The following TRAPPC9 variants were observed in gnomAD, a reference collection of about 807,000 sequenced individuals.
TRAPPC9 encodes trafficking protein particle complex subunit 9, also known as IKK2 binding protein.
In TRAPPC9, 83 loss-of-function variants were observed where a neutral mutation model predicts 124.0. The observed-to-expected ratio is 0.67, with a 90% confidence interval of 0.56 to 0.80. The LOEUF (loss-of-function observed/expected upper bound fraction) is 0.80. Among genes scored for constraint, TRAPPC9 ranks in the 30% least tolerant of loss-of-function variants. The pLI, the probability that TRAPPC9 is intolerant of heterozygous loss-of-function variation, is 0.00. For synonymous variants in TRAPPC9, 638 were observed against 617.5 expected, an observed-to-expected ratio of 1.03 and a Z score of -0.49; for missense variants, 1,302 against 1,508.3, an observed-to-expected ratio of 0.86 and a Z score of 2.27.
intron 16 of TRAPPC9, among the ~76,000 whole-genome samples, chr8:140,240,384 G>C (rs1031624338): frequency 2.0e-5 from 3 of 152,114 alleles, no homozygotes; most frequent in African/African-American, 7.2e-5. Context: ...GGAGGACTGG[G>C]GAGAATTCTG....
At chr8:139,964,028 G>T (rs2131576464) in intron 19 of TRAPPC9, among the ~76,000 whole-genome samples, 1 of 152,092 alleles carries the variant, frequency 6.6e-6, no homozygotes, top group South Asian at 2.1e-4. Flanking sequence ...ATCAAGACCA[G>T]CCTGGCTAAC....
At chr8:139,819,479 A>G (rs1825101848) in intron 21 of TRAPPC9, among the ~76,000 whole-genome samples, 1 of 152,204 alleles carries the variant, frequency 6.6e-6, no homozygotes, top group African/African-American at 2.4e-5. Context: ...GTTGGGGACC[A>G]CCTGCTCTAG....
intron 16 of TRAPPC9, among the ~76,000 whole-genome samples, chr8:140,234,394 A>G (rs2131391665): frequency 1.3e-5 from 2 of 152,356 alleles, no homozygotes; most frequent in South Asian, 4.1e-4. Flanking sequence ...CATGGTGGAC[A>G]GTACTGCACA....
Position 139,861,641 on chromosome 8 carries a change from T to C in TRAPPC9, c.3055+24238A>G, listed in dbSNP as rs911230162. Among the ~76,000 whole-genome samples the C allele has an allele frequency of 5.3e-5, 8 of 152,354 alleles. No homozygotes were observed. In the East Asian group the frequency reaches 1.3e-3, roughly 26 times the overall value. On this transcript the variant is annotated intron_variant, in intron 21 of 22. Coordinates refer to ENST00000438773, the MANE Select transcript of TRAPPC9 (RefSeq NM_001160372.4). ...TGAAAAGAAACTTGGGGTTCACTTA[T>C]ATTTAACATGCTCTGCACTTTTCCT...
Position 139,907,812 on chromosome 8 carries a change from G to T in TRAPPC9, c.2964+2335C>A, listed in dbSNP as rs1230900139. On this transcript the variant is annotated intron_variant, in intron 20 of 22. Transcript: ENST00000438773. This position sits in a 1 kb window ranked among gnomAD's most constrained non-coding sequence, Gnocchi z 4.7. ...TTTTTGATACTGGTTTTCAAAGAAC[G>T]CAAGAGTTCTGTGGGCCACTATCAT... Among the ~76,000 whole-genome samples the T allele has an allele frequency of 6.6e-6, 1 of 152,192 alleles. No individual in the cohort carries two copies. Among genetic ancestry groups the T allele is most frequent in the South Asian group, 2.1e-4 (1 of 4,828 alleles).
chr8:140,279,133 T>C (rs959849065), intron 14 of TRAPPC9, among the ~76,000 whole-genome samples: 1 of 152,254 alleles, frequency 6.6e-6, no homozygotes, highest in African/African-American at 2.4e-5. Context: ...CCACATCTTC[T>C]GTGAAGCCTT....
intron 17 of TRAPPC9, among the ~76,000 whole-genome samples, chr8:140,156,161 TC>T (rs2061625485): frequency 1.3e-5 from 2 of 152,258 alleles, no homozygotes; most frequent in South Asian, 4.2e-4. Flanking sequence ...CAGGCTACCA[TC>T]CGCATGCTCA....
chr8:140,438,587 T>C (rs2070899309), intron 3 of TRAPPC9, among the ~76,000 whole-genome samples: 1 of 152,202 alleles, frequency 6.6e-6, no homozygotes, highest in African/African-American at 2.4e-5. Flanking sequence ...CAGGGAAGCA[T>C]CCCAGGCCAC....
At chr8:139,999,953 A>G (rs1838282144) in intron 18 of TRAPPC9, among the ~76,000 whole-genome samples, 1 of 152,210 alleles carries the variant, frequency 6.6e-6, no homozygotes, top group Non-Finnish European at 1.5e-5. Flanking sequence ...GTGATTATAT[A>G]AGAAAGAACG....
At chr8:140,040,702 T>A (rs1388799979) in intron 17 of TRAPPC9, 4 of 152,346 alleles carry the variant, frequency 2.6e-5, no homozygotes, top group Admixed American at 2.6e-4. Context: ...AAGCTTTCTA[T>A]GTCACCATCC....
chr8:140,196,938 A>T (rs1233988078), intron 17 of TRAPPC9, among the ~76,000 whole-genome samples: 1 of 152,142 alleles, frequency 6.6e-6, no homozygotes, highest in Non-Finnish European at 1.5e-5. Context: ...AAACACACAC[A>T]ACGATCCACG....
At chr8:139,987,545 CAGAGAGAGAGAGAG>C (rs34718647) in intron 19 of TRAPPC9, among the ~76,000 whole-genome samples, 1 of 150,328 alleles carries the variant, frequency 6.7e-6, no homozygotes, top group Admixed American at 6.6e-5. Flanking sequence ...ATGAAAGAGG[CAGAGAGAGAGAGAG>C]AGAGAGAGAA....
At chr8:140,326,836 G>A (rs566018176) in intron 9 of TRAPPC9, among the ~76,000 whole-genome samples, 2 of 152,280 alleles carry the variant, frequency 1.3e-5, no homozygotes, top group South Asian at 4.1e-4. Flanking sequence ...AGTCCTGATT[G>A]TGCCACTGAA....
intron 17 of TRAPPC9, among the ~76,000 whole-genome samples, chr8:140,139,408 C>T (rs1343496989): frequency 3.9e-5 from 6 of 152,144 alleles, no homozygotes; most frequent in African/African-American, 9.7e-5. Context: ...ACAGAATTTC[C>T]GATCCAGCAT....
intron 5 of TRAPPC9, among the ~76,000 whole-genome samples, chr8:140,419,069 G>A (rs1336100402): frequency 6.6e-6 from 1 of 152,008 alleles, no homozygotes; most frequent in Non-Finnish European, 1.5e-5. Flanking sequence ...GGAGGCGGGT[G>A]GATCACAAGG....
At chr8:140,099,361 A>C (rs138567992) in intron 17 of TRAPPC9, 3 of 142,164 alleles carry the variant, frequency 2.1e-5, no homozygotes. Context: ...CGCCCTCCAG[A>C]GTTCTCCGCA....
intron 17 of TRAPPC9, among the ~76,000 whole-genome samples, chr8:140,032,509 T>C (rs918776625): frequency 5.9e-5 from 9 of 152,146 alleles, no homozygotes; most frequent in African/African-American, 1.9e-4. Context: ...TTTCACTTAA[T>C]AGATCCTGAA....
At chr8:140,356,709 A>C (rs1284248204) in intron 9 of TRAPPC9, among the ~76,000 whole-genome samples, 1 of 151,326 alleles carries the variant, frequency 6.6e-6, no homozygotes, top group Non-Finnish European at 1.5e-5. Context: ...TCCCGGGTTC[A>C]AGCGATTCTC....
At chr8:140,445,530 G>A (rs1015768788) in intron 2 of TRAPPC9, among the ~76,000 whole-genome samples, 1 of 152,198 alleles carries the variant, frequency 6.6e-6, no homozygotes, top group Non-Finnish European at 1.5e-5. Flanking sequence ...AGGAGAGCAG[G>A]GGAGGAGGGA....
Sources: allele counts gnomAD v4.1 joint callset (sites outside exome capture counted in the v4.1 genomes callset), GRCh38; gene constraint gnomAD v4.1.1; non-coding constraint Gnocchi (gnomAD v3.1); transcripts MANE v1.5; gene names NCBI Gene and HGNC (gene_info 2026-07-23, HGNC 2026-07-21).